ZP3: variants seen among roughly 807,000 people sequenced by gnomAD.
The protein encoded by ZP3 is zona pellucida sperm-binding protein 3.
In ZP3, 21 loss-of-function variants were observed where a neutral mutation model predicts 35.6. That is an observed-to-expected ratio of 0.59 (90% CI 0.42 to 0.85). The LOEUF (loss-of-function observed/expected upper bound fraction) is 0.85, where lower values mean the gene tolerates loss of function less well. Among genes scored for constraint, ZP3 ranks in the 40% least tolerant of loss-of-function variants. The pLI is 0.00. For synonymous variants in ZP3, 207 were observed against 214.5 expected (o/e 0.96, Z 0.31); for missense variants, 437 against 536.5 (o/e 0.81, Z 1.83).
upstream of ZP3, among the ~76,000 whole-genome samples, chr7:76,423,040 A>G (rs1253029900): frequency 2.2e-5 from 3 of 137,110 alleles, no homozygotes; most frequent in East Asian, 2.3e-4. Context: ...AGAAAGAAAG[A>G]AAGAAAGAAA....
At chr7:76,438,571 G>A (rs1028249444) in intron 5 of ZP3, among the ~76,000 whole-genome samples, 2 of 148,120 alleles carry the variant, frequency 1.4e-5, no homozygotes, top group Non-Finnish European at 3.0e-5. Flanking sequence ...TAGCGGGGCA[G>A]TGCTTACAGG....
intron 5 of ZP3, among the ~76,000 whole-genome samples, chr7:76,435,502 A>G (rs1805966654): frequency 6.6e-6 from 1 of 152,242 alleles, no homozygotes; most frequent in Admixed American, 6.5e-5. Context: ...TGAGGCGGTG[A>G]GCTTAGAATA....
At position 76,397,937 on chromosome 7, in the gene ZP3, T is replaced by G; in HGVS notation, c.-67+140T>G. 2.6e-6 allele frequency: 3 copies of G among 1,163,810 alleles called. No individual in the cohort carries two copies. In the South Asian group the frequency reaches 4.9e-5, roughly 19 times the overall value. 72.1% of individuals were successfully genotyped at this position (1,163,810 alleles called of 1,614,324 possible). ...CCAGGATCTACAACCCTTGGGCATC[T>G]GCTCACCCCGCTGCCCAGGGTACCG... On this transcript the variant is annotated intron_variant, in intron 1 of 8. Coordinates refer to the ZP3 transcript ENST00000336517.
At chr7:76,438,538 G>GAAGAAAAAAA (rs1806096737) in intron 5 of ZP3, among the ~76,000 whole-genome samples, 1 of 88,560 alleles carries the variant, frequency 1.1e-5, no homozygotes, top group African/African-American at 5.4e-5. Flanking sequence ...CTCCGTCTCA[G>GAAGAAAAAAA]AAAAAAAAAA....
At chr7:76,418,421 C>G (rs771801990) in intron 1 of ZP3, among the ~76,000 whole-genome samples, 3 of 151,434 alleles carry the variant, frequency 2.0e-5, no homozygotes, top group South Asian at 4.2e-4. Context: ...CATGGTGGCA[C>G]GCACCTGTAA....
chr7:76,421,519 G>A (rs1372370571), upstream of ZP3, among the ~76,000 whole-genome samples: 1 of 152,044 alleles, frequency 6.6e-6, no homozygotes, highest in Non-Finnish European at 1.5e-5. Context: ...CTCCCAAAGT[G>A]CTGAGATTAC....
chr7:76,401,009 T>A, intron 1 of ZP3: 1 of 1,550,548 alleles, frequency 6.4e-7, no homozygotes. Context: ...GGCACCTACC[T>A]TGAAAGGGCA....
intron 7 of ZP3, among the ~76,000 whole-genome samples, 176 bp from the exon 8 acceptor site, chr7:76,441,666 G>T (rs937327640): frequency 9.2e-5 from 14 of 152,182 alleles, no homozygotes. Context: ...GGGATTACAG[G>T]CATTAGCCAT....
At chr7:76,433,806 C>T in intron 4 of ZP3, 159 bp downstream of exon 4, 2 of 1,021,846 alleles carry the variant, frequency 2.0e-6, no homozygotes, top group Non-Finnish European at 2.9e-6. Context: ...TTAAGTGATT[C>T]TCCTGCCTCA....
At chr7:76,400,640 C>G in intron 1 of ZP3, 1 of 1,411,292 alleles carries the variant, frequency 7.1e-7, no homozygotes. Context: ...GTCCAACCTC[C>G]AGCATGCCCA....
At chr7:76,428,548 C>T (rs932258903) in intron 1 of ZP3, 4 of 152,182 alleles carry the variant, frequency 2.6e-5, no homozygotes, top group Non-Finnish European at 2.9e-5. Context: ...CTTCTGCAGC[C>T]CTATTGGACG....
intron 1 of ZP3, among the ~76,000 whole-genome samples, chr7:76,401,868 T>C (rs1001060809): frequency 3.3e-5 from 5 of 152,196 alleles, no homozygotes; most frequent in Non-Finnish European, 7.3e-5. Context: ...TGGCCATGCC[T>C]GTCTCAACTC....
chr7:76,398,336 G>T (rs369881412), intron 1 of ZP3, among the ~76,000 whole-genome samples: 75 of 147,202 alleles, frequency 5.1e-4, no homozygotes, highest in African/African-American at 1.4e-3. Context: ...TTGAGACAGG[G>T]TCTCACTGTG....
chr7:76,432,727 C>T (rs1263026613), intron 2 of ZP3, among the ~76,000 whole-genome samples, 200 bp from the exon 3 acceptor site: 2 of 152,178 alleles, frequency 1.3e-5, no homozygotes, highest in Admixed American at 6.6e-5. Context: ...ATGGCTAGGC[C>T]ACTCACAGGT....
At chr7:76,409,636 G>C (rs1805181749) in intron 1 of ZP3, 1 of 152,384 alleles carries the variant, frequency 6.6e-6, no homozygotes, top group Admixed American at 6.5e-5. Context: ...CGACCTTAGG[G>C]ACAGCAAGAA....
chr7:76,420,932 TCCA>T (rs961025034), upstream of ZP3, among the ~76,000 whole-genome samples: 1 of 148,358 alleles, frequency 6.7e-6, no homozygotes, highest in African/African-American at 2.5e-5. Context: ...TGTGTGTGTC[TCCA>T]CTTTTTTTTT....
upstream of ZP3, among the ~76,000 whole-genome samples, chr7:76,421,262 C>T (rs770097152): frequency 7.9e-5 from 12 of 151,696 alleles, no homozygotes; most frequent in Non-Finnish European, 1.3e-4. Context: ...GATGAGGTCT[C>T]ACTCTATTGC....
chr7:76,435,993 G>T, intron 5 of ZP3, among the ~76,000 whole-genome samples: 1 of 145,496 alleles, frequency 6.9e-6, no homozygotes, highest in Non-Finnish European at 1.5e-5. Context: ...CAAAGTGCTG[G>T]GATTATAGGC....
intron 5 of ZP3, among the ~76,000 whole-genome samples, chr7:76,434,712 C>T (rs1315370524): frequency 3.4e-5 from 5 of 147,800 alleles, no homozygotes; most frequent in East Asian, 2.0e-4. Context: ...GTGTGAACTT[C>T]GTAGCCAGGG....
Sources: allele counts gnomAD v4.1 joint callset (sites outside exome capture counted in the v4.1 genomes callset), GRCh38; gene constraint gnomAD v4.1.1; transcripts MANE v1.5; gene names NCBI Gene and HGNC (gene_info 2026-07-23, HGNC 2026-07-21).